PLEKHH2: variants seen among roughly 807,000 people sequenced by gnomAD.
The protein encoded by PLEKHH2 is pleckstrin homology domain-containing family H member 2.
PLEKHH2 carries 129 observed loss-of-function variants against 187.9 expected under a neutral mutation model. The observed-to-expected ratio is 0.69, with a 90% CI of 0.59 to 0.79. The LOEUF (loss-of-function observed/expected upper bound fraction) is 0.79. Ranked by LOEUF, PLEKHH2 falls within the 30% of genes least tolerant of loss-of-function variation. The pLI, the probability that PLEKHH2 is intolerant of heterozygous loss-of-function variation, is 0.00. For missense variants in PLEKHH2, 2,076 were observed against 1,751.2 expected (o/e 1.19, Z -3.31); for synonymous variants, 686 against 605.6 (o/e 1.13, Z -1.95).
At chr2:43,718,657 G>A (rs1187927473) in intron 15 of PLEKHH2, among the ~76,000 whole-genome samples, 1 of 152,020 alleles carries the variant, frequency 6.6e-6, no homozygotes, top group Non-Finnish European at 1.5e-5. Context: ...GGCATACATT[G>A]TTCTCTTTTA....
intron 15 of PLEKHH2, among the ~76,000 whole-genome samples, chr2:43,714,276 G>T (rs1430995486): frequency 6.6e-6 from 1 of 152,116 alleles, no homozygotes; most frequent in African/African-American, 2.4e-5. Context: ...TAACATTTCT[G>T]CGATTCTCCA....
At chr2:43,762,508 C>T (rs536204649) in intron 28 of PLEKHH2, 118 bp downstream of exon 28, 493 of 732,360 alleles carry the variant, frequency 6.7e-4, no homozygotes, top group Non-Finnish European at 1.0e-3. Flanking sequence ...AACATTCTTC[C>T]TAATACTATG....
Position 43,707,388 on chromosome 2 carries a change from C to G in PLEKHH2, c.1822-13C>G, listed in dbSNP as rs149872448. ...AGGGATGGATACAGGGAGGTTGTTCCACTTTTCTTTAGAAGGCGACCCAAA... is the reference window on the plus strand; with the variant it reads ...AGGGATGGATACAGGGAGGTTGTTCGACTTTTCTTTAGAAGGCGACCCAAA... On this transcript the variant is annotated splice_polypyrimidine_tract_variant and intron_variant, in intron 10 of 29. Transcript: ENST00000282406. 196 of 1,613,578 alleles carry G rather than the reference C, an allele frequency of 1.2e-4. 3 individuals carry two copies. In the African/African-American group the frequency reaches 2.2e-3, roughly 18 times the overall value.
chr2:43,730,159 C>A (rs1175511273), intron 18 of PLEKHH2, among the ~76,000 whole-genome samples: 1 of 152,216 alleles, frequency 6.6e-6, no homozygotes, highest in Non-Finnish European at 1.5e-5. Flanking sequence ...TTATAGCAAG[C>A]TTGGCCAACC....
intron 2 of PLEKHH2, chr2:43,675,796 AG>A: frequency 6.2e-7 from 1 of 1,613,818 alleles, no homozygotes; most frequent in Non-Finnish European, 8.5e-7. Context: ...CACGTATTCG[AG>A]GTCTCCAAAT....
Position 43,700,054 on chromosome 2 carries a change from C to T in PLEKHH2, c.1096C>T (p.Pro366Ser), listed in dbSNP as rs1235390004. The T allele has an allele frequency of 1.2e-6, 2 of 1,614,090 alleles. No homozygotes were observed. Among genetic ancestry groups the T allele is most frequent in the South Asian group, 2.2e-5 (2 of 91,072 alleles). ...QEAQWKALNS[P>S]LGKGNSELSK... ...GGCACAGTGGAAAGCTCTAAATAGT[C>T]CTCTTGGAAAGGGAAATTCTGAATT... The change falls in exon 8 of 30, where the codon CCT becomes TCT. Residue 366 changes from proline to serine, a missense_variant. By Grantham distance (74) the Pro-to-Ser change is moderately conservative. Coordinates refer to ENST00000282406, the MANE Select transcript of PLEKHH2 (RefSeq NM_172069.4).
intron 27 of PLEKHH2, among the ~76,000 whole-genome samples, chr2:43,761,597 G>A (rs1239119358): frequency 2.0e-5 from 3 of 151,900 alleles, no homozygotes; most frequent in Non-Finnish European, 2.9e-5. Flanking sequence ...CTTTGGCAGA[G>A]ATGGGGTTTC....
At chr2:43,756,338 C>G (rs573745781) in intron 25 of PLEKHH2, among the ~76,000 whole-genome samples, 135 of 152,152 alleles carry the variant, frequency 8.9e-4, no homozygotes, top group African/African-American at 3.0e-3. Flanking sequence ...CTCTGTCACC[C>G]AGGCTGGGCA....
intron 3 of PLEKHH2, among the ~76,000 whole-genome samples, chr2:43,687,434 C>T (rs1003284058): frequency 3.3e-5 from 5 of 152,120 alleles, no homozygotes; most frequent in East Asian, 1.9e-4. Flanking sequence ...TTTGCTATTG[C>T]GAATTGCACT....
Position 43,740,964 on chromosome 2 carries a change from C to T in PLEKHH2, c.3142C>T (p.Leu1048Phe), listed in dbSNP as rs1354260593. The T allele has an allele frequency of 6.2e-7, 1 of 1,613,818 alleles. No individual in the cohort carries two copies. The highest frequency in any genetic ancestry group is 1.7e-5 in the Admixed American group (1 of 59,994). ...GPLQGWQLLA[L>F]CVGLFLPHHP... is the part of the protein sequence containing the mutation. ...TGCCCAGGGCTGGCAGCTCTTGGCACTCTGCGTTGGGCTCTTCCTTCCCCA... is the reference window on the plus strand; with the variant it reads ...TGCCCAGGGCTGGCAGCTCTTGGCATTCTGCGTTGGGCTCTTCCTTCCCCA... The change falls in exon 21 of 30, where the codon CTC (leucine) becomes TTC (phenylalanine). Residue 1048 changes from leucine to phenylalanine, a missense_variant. Coordinates refer to ENST00000282406, the MANE Select transcript of PLEKHH2 (RefSeq NM_172069.4).
intron 25 of PLEKHH2, among the ~76,000 whole-genome samples, chr2:43,756,625 T>C (rs571524699): frequency 6.6e-6 from 1 of 152,266 alleles, no homozygotes; most frequent in South Asian, 2.1e-4. Context: ...GGAACTCAAA[T>C]GTTTAAATTA....
At chr2:43,752,495 G>T (rs1672048358) in intron 24 of PLEKHH2, among the ~76,000 whole-genome samples, 1 of 152,148 alleles carries the variant, frequency 6.6e-6, no homozygotes, top group Admixed American at 6.5e-5. Flanking sequence ...CTATTTGAGA[G>T]AATTACTGGG....
intron 16 of PLEKHH2, 79 bp from the exon 17 acceptor site, chr2:43,726,193 A>T (rs964960763): frequency 1.3e-5 from 13 of 974,032 alleles, no homozygotes; most frequent in Non-Finnish European, 1.8e-5. Flanking sequence ...TAAATTTAAA[A>T]ATGAAAAGGA....
chr2:43,697,913 T>C (rs946288157), intron 7 of PLEKHH2, among the ~76,000 whole-genome samples: 1 of 152,156 alleles, frequency 6.6e-6, no homozygotes, highest in Non-Finnish European at 1.5e-5. Flanking sequence ...CCTGGTCCTG[T>C]ATACAGATTT....
At chr2:43,724,357 T>G (rs544149188) in intron 16 of PLEKHH2, among the ~76,000 whole-genome samples, 1 of 152,322 alleles carries the variant, frequency 6.6e-6, no homozygotes, top group South Asian at 2.1e-4. Flanking sequence ...TCCTTGTAGT[T>G]AGAATGAACT....
chr2:43,739,753 C>G (rs1258440689), intron 20 of PLEKHH2, among the ~76,000 whole-genome samples: 1 of 152,158 alleles, frequency 6.6e-6, no homozygotes, highest in Non-Finnish European at 1.5e-5. Flanking sequence ...TAAATTCGCC[C>G]CATCCTTCAA....
At chr2:43,714,215 T>C (rs955461891) in intron 15 of PLEKHH2, among the ~76,000 whole-genome samples, 4 of 152,226 alleles carry the variant, frequency 2.6e-5, no homozygotes, top group Non-Finnish European at 5.9e-5. Flanking sequence ...AGGATTTTGT[T>C]TGCTTGCTTG....
intron 2 of PLEKHH2, among the ~76,000 whole-genome samples, chr2:43,672,897 C>T (rs1202804161): frequency 5.9e-5 from 9 of 152,098 alleles, no homozygotes; most frequent in Non-Finnish European, 1.2e-4. Context: ...TATGTAATTC[C>T]ATAAAAACAG....
intron 14 of PLEKHH2, chr2:43,710,880 T>C: frequency 8.8e-7 from 1 of 1,130,292 alleles, no homozygotes; most frequent in Non-Finnish European, 1.1e-6. Flanking sequence ...TAAGGAAGGG[T>C]TATCTGGTAA....
Sources: allele counts gnomAD v4.1 joint callset (sites outside exome capture counted in the v4.1 genomes callset), GRCh38; gene constraint gnomAD v4.1.1; transcripts MANE v1.5; gene names NCBI Gene and HGNC (gene_info 2026-07-23, HGNC 2026-07-21).